Variants in SMIM13 observed in about 807,000 individuals in gnomAD.
SMIM13 encodes the protein small integral membrane protein 13, also known as UPF0766 protein C6orf228.
A neutral mutation model predicts 5.9 loss-of-function variants in SMIM13; 3 were observed. The ratio of observed to expected loss-of-function variants is 0.51; its 90% CI spans 0.23 to 1.31. The LOEUF (loss-of-function observed/expected upper bound fraction) is 1.31. Ranked by LOEUF, SMIM13 falls within the 40% of genes most tolerant of loss-of-function variation. The pLI, the probability that SMIM13 is intolerant of heterozygous loss-of-function variation, is 0.18. For synonymous variants in SMIM13, 55 were observed against 46.0 expected, an observed-to-expected ratio of 1.19 and a Z score of -0.79; for missense variants, 85 against 109.9, an observed-to-expected ratio of 0.77 and a Z score of 1.01.
At chr6:11,130,390 C>T (rs1758438875) in intron 1 of SMIM13, among the ~76,000 whole-genome samples, 3 of 152,110 alleles carry the variant, frequency 2.0e-5, no homozygotes, top group African/African-American at 7.2e-5. Context: ...GTAACTACTA[C>T]ATGTTTTCCC....
rs1758501513 is a variant in SMIM13 at position 11,135,038 on chromosome 6, G to T, written c.*436G>T. On this transcript the variant is annotated 3_prime_UTR_variant, in exon 2 of 2. Coordinates refer to ENST00000416247, the MANE Select transcript of SMIM13 (RefSeq NM_001135575.2). ...GTGTGCATGTGTGAATTTACAGCTT[G>T]TCATCGTGTCATCCCTTTAACCAAC... 1 of 152,732 alleles carries T rather than the reference G, an allele frequency of 6.5e-6. No individual in the cohort carries two copies. The highest frequency in any genetic ancestry group is 2.4e-5 in the African/African-American group (1 of 41,422). 9.5% of individuals were successfully genotyped at this position (152,732 alleles called of 1,614,324 possible).
chr6:11,094,340 G>T lies in SMIM13; in HGVS notation c.27G>T (p.Leu9=). The change falls in exon 1 of 2, where the codon CTG becomes CTT. Residue 9 remains leucine, a synonymous_variant. Coordinates refer to ENST00000416247, the MANE Select transcript of SMIM13 (RefSeq NM_001135575.2). ...TGTGGCACAGCGTCGGGCTGACTCTGCTTGTGTTCGTGGCCACGCTGCTGA... is the reference window on the plus strand; with the variant it reads ...TGTGGCACAGCGTCGGGCTGACTCTTCTTGTGTTCGTGGCCACGCTGCTGA... MWHSVGLT[L]LVFVATLLIV... is the part of the protein sequence containing the mutation. 6.5e-7 allele frequency: 1 copy of T among 1,535,122 alleles called. No individual in the cohort carries two copies.
At chr6:11,104,557 G>A (rs769386245) in intron 1 of SMIM13, 1 of 1,601,866 alleles carries the variant, frequency 6.2e-7, no homozygotes, top group East Asian at 2.2e-5. Flanking sequence ...TGGACGCAGG[G>A]TGTTTGGCTC....
In SMIM13 at chr6:11,132,618, A is replaced by G. The variant is rs375815983; in HGVS notation, c.77-1785A>G. Among the ~76,000 whole-genome samples, 7 of 152,348 alleles carry G rather than the reference A, an allele frequency of 4.6e-5. No individual in the cohort carries two copies. The East Asian group carries it at 9.6e-4, about 21-fold the overall frequency. ...AAAAAGAAATGAAGTACTGATGCTT[A>G]CAACACAATGGACACACCTTGGAAA... is the stretch of plus-strand genomic sequence containing the variant. On this transcript the variant is annotated intron_variant, in intron 1 of 1. Coordinates refer to ENST00000416247, the MANE Select transcript of SMIM13 (RefSeq NM_001135575.2).
At chr6:11,108,444 T>A (rs1247401241) in intron 1 of SMIM13, among the ~76,000 whole-genome samples, 2 of 152,212 alleles carry the variant, frequency 1.3e-5, no homozygotes, top group Non-Finnish European at 2.9e-5. Flanking sequence ...GCCTTTCAGC[T>A]TTCAGGGTAG....
intron 1 of SMIM13, among the ~76,000 whole-genome samples, chr6:11,106,983 G>A (rs1339379099): frequency 1.3e-5 from 2 of 152,156 alleles, no homozygotes; most frequent in Non-Finnish European, 2.9e-5. Context: ...TAGGGCTTTC[G>A]TCAGCACAGT....
At chr6:11,102,567 CTACAGAGG>C (rs1051981884) in intron 1 of SMIM13, 2 of 152,186 alleles carry the variant, frequency 1.3e-5, no homozygotes, top group African/African-American at 4.8e-5. Flanking sequence ...TGGGTCTCTA[CTACAGAGG>C]TACAAGGGGG....
At chr6:11,098,685 G>A (rs576918087) in intron 1 of SMIM13, among the ~76,000 whole-genome samples, 3 of 152,248 alleles carry the variant, frequency 2.0e-5, no homozygotes, top group South Asian at 2.1e-4. Context: ...CACTTGCCCC[G>A]GGCTCCCAGG....
chr6:11,131,464 G>A (rs1758449121), intron 1 of SMIM13, among the ~76,000 whole-genome samples: 1 of 150,468 alleles, frequency 6.6e-6, no homozygotes, highest in African/African-American at 2.5e-5. Context: ...AAATGACTCA[G>A]AATAGTCAAA....
At position 11,134,076 on chromosome 6, in the gene SMIM13, T is replaced by C. The variant is rs371544582; in HGVS notation, c.77-327T>C. On this transcript the variant is annotated intron_variant, in intron 1 of 1. Transcript: ENST00000416247. ...CAAGTAAATGGCAAAGTGAATTCTTTCTTTCCCAGAAAAATGCTCTCAAAA... is the reference window on the plus strand; with the variant it reads ...CAAGTAAATGGCAAAGTGAATTCTTCCTTTCCCAGAAAAATGCTCTCAAAA... 2.0e-5 allele frequency among the ~76,000 whole-genome samples: 3 copies of C among 152,184 alleles called. No homozygotes were observed. In the East Asian group the frequency reaches 5.8e-4, roughly 29 times the overall value.
chr6:11,131,851 G>T (rs1159175579), intron 1 of SMIM13, among the ~76,000 whole-genome samples: 1 of 152,136 alleles, frequency 6.6e-6, no homozygotes, highest in East Asian at 1.9e-4. Flanking sequence ...TCTTCATGAC[G>T]TAGGATTGGT....
chr6:11,094,447 G>GT (rs1581907096), intron 1 of SMIM13, 58 bp downstream of exon 1: 7,926 of 1,261,022 alleles, frequency 6.3e-3, no homozygotes, highest in African/African-American at 8.1e-3. Flanking sequence ...GATCTGCTGG[G>GT]GTTTTTTTTG....
intron 1 of SMIM13, among the ~76,000 whole-genome samples, chr6:11,097,205 T>C (rs1453091369): frequency 1.3e-5 from 2 of 152,240 alleles, no homozygotes; most frequent in Non-Finnish European, 2.9e-5. Context: ...GATTTTCTCC[T>C]GAGGCTTCTC....
intron 1 of SMIM13, among the ~76,000 whole-genome samples, chr6:11,132,543 T>C (rs188936591): frequency 1.3e-5 from 2 of 152,298 alleles, no homozygotes; most frequent in African/African-American, 4.8e-5. Context: ...AATTGATGAA[T>C]CCTTAAACAG....
At chr6:11,107,941 G>A (rs1758111423) in intron 1 of SMIM13, among the ~76,000 whole-genome samples, 1 of 152,200 alleles carries the variant, frequency 6.6e-6, no homozygotes, top group South Asian at 2.1e-4. Flanking sequence ...TGCCATTATG[G>A]CCTTTCCTGT....
At chr6:11,100,377 A>G (rs913495740) in intron 1 of SMIM13, among the ~76,000 whole-genome samples, 4 of 152,104 alleles carry the variant, frequency 2.6e-5, no homozygotes, top group Non-Finnish European at 5.9e-5. Context: ...GTACATTGTT[A>G]TGTGCCCCCT....
intron 1 of SMIM13, among the ~76,000 whole-genome samples, chr6:11,131,323 A>G (rs575031984): frequency 3.3e-5 from 5 of 152,182 alleles, no homozygotes; most frequent in South Asian, 2.1e-4. Flanking sequence ...ACAGAGAAAT[A>G]TATTTTTTTA....
At chr6:11,100,784 A>G (rs997868178) in intron 1 of SMIM13, among the ~76,000 whole-genome samples, 4 of 152,070 alleles carry the variant, frequency 2.6e-5, no homozygotes, top group African/African-American at 9.7e-5. Context: ...TACCCCATTG[A>G]TTTCTTGCTT....
chr6:11,115,130 T>A (rs1758220365), intron 1 of SMIM13, among the ~76,000 whole-genome samples: 2 of 152,246 alleles, frequency 1.3e-5, no homozygotes, highest in African/African-American at 4.8e-5. Context: ...AATGCAGACC[T>A]TATTACATGA....
Sources: allele counts gnomAD v4.1 joint callset (sites outside exome capture counted in the v4.1 genomes callset), GRCh38; gene constraint gnomAD v4.1.1; transcripts MANE v1.5; gene names NCBI Gene and HGNC (gene_info 2026-07-23, HGNC 2026-07-21).